PSD3: variants seen among roughly 807,000 people sequenced by gnomAD.
PSD3 encodes the protein PH and SEC7 domain-containing protein 3.
A neutral mutation model predicts 105.5 loss-of-function variants in PSD3; 49 were observed. The observed-to-expected ratio is 0.46, with a 90% CI of 0.37 to 0.59. The LOEUF (loss-of-function observed/expected upper bound fraction) is 0.59. PSD3 is among the 20% of genes least tolerant of loss of function. The pLI, the probability that PSD3 is intolerant of heterozygous loss-of-function variation, is 0.00. For synonymous variants in PSD3, 557 were observed against 457.8 expected, an observed-to-expected ratio of 1.22 and a Z score of -2.77; for missense variants, 1,561 against 1,263.8, an observed-to-expected ratio of 1.24 and a Z score of -3.57.
intron 14 of PSD3, among the ~76,000 whole-genome samples, chr8:18,567,224 A>G (rs756590570): frequency 6.6e-6 from 1 of 151,772 alleles, no homozygotes; most frequent in Non-Finnish European, 1.5e-5. Context: ...GAACAATGGG[A>G]AAGTCCACCG....
At chr8:18,560,567 T>C (rs777867947) in intron 14 of PSD3, among the ~76,000 whole-genome samples, 1 of 151,976 alleles carries the variant, frequency 6.6e-6, no homozygotes, top group African/African-American at 2.4e-5. Context: ...AAAATGAAAT[T>C]GAAAATACTA....
intron 4 of PSD3, among the ~76,000 whole-genome samples, chr8:18,820,354 T>G (rs1354935987): frequency 6.6e-6 from 1 of 152,110 alleles, no homozygotes; most frequent in African/African-American, 2.4e-5. Context: ...TTCAAAAAAT[T>G]TGATGTTGTT....
At position 18,581,174 on chromosome 8, in the gene PSD3, T is replaced by A. The variant is rs1331921614; in HGVS notation, c.2482-5889A>T. On this transcript the variant is annotated intron_variant, in intron 12 of 15. Coordinates refer to ENST00000327040, the MANE Select transcript of PSD3 (RefSeq NM_015310.4). ...CTACCCAAATGTCAACCATGATGGA[T>A]CATCAGAACCAACAGGAATGGAATC... is the stretch of plus-strand genomic sequence containing the variant. Among the ~76,000 whole-genome samples, 3 of 152,120 alleles carry A rather than the reference T, an allele frequency of 2.0e-5. No individual in the cohort carries two copies. The East Asian group carries it at 5.8e-4, about 29-fold the overall frequency.
chr8:19,065,910 G>T (rs138570708), intron 1 of PSD3, among the ~76,000 whole-genome samples: 3 of 152,170 alleles, frequency 2.0e-5, no homozygotes, highest in African/African-American at 7.2e-5. Flanking sequence ...TCTGGTGACC[G>T]CCTCCAATCT....
rs370620489 is a variant in PSD3, at chr8:18,536,995, C to T, written c.2929-1037G>A. The stretch of plus-strand genomic sequence containing the variant: ...GCAAATTCTGTTTTGACTATACATC[C>T]GTCTTAGGGATTTTTCTAGTCAGAT... On this transcript the variant is annotated intron_variant, in intron 15 of 15. Coordinates refer to ENST00000327040, the MANE Select transcript of PSD3 (RefSeq NM_015310.4). Among the ~76,000 whole-genome samples the T allele has an allele frequency of 1.3e-4, 20 of 152,316 alleles. No homozygotes were observed. The East Asian group carries it at 3.1e-3, about 23-fold the overall frequency.
chr8:18,633,549 T>C (rs1441352862), intron 10 of PSD3, among the ~76,000 whole-genome samples: 2 of 152,184 alleles, frequency 1.3e-5, no homozygotes, highest in African/African-American at 4.8e-5. Context: ...CTTAGAATAA[T>C]GGCCTTCAGC....
chr8:19,041,709 C>T (rs1244216219), intron 1 of PSD3, among the ~76,000 whole-genome samples: 2 of 152,204 alleles, frequency 1.3e-5, no homozygotes, highest in African/African-American at 2.4e-5. Context: ...AAATAGATGA[C>T]ACAAGACTAG....
chr8:18,970,829 C>A (rs1289443296), intron 1 of PSD3, among the ~76,000 whole-genome samples: 1 of 151,722 alleles, frequency 6.6e-6, no homozygotes, highest in Non-Finnish European at 1.5e-5. Flanking sequence ...GCGGTGTGCA[C>A]CTGTAGTACC....
At chr8:18,569,199 T>C (rs1282886879) in intron 14 of PSD3, among the ~76,000 whole-genome samples, 50 of 134,158 alleles carry the variant, frequency 3.7e-4, no homozygotes, top group Non-Finnish European at 7.2e-4. Flanking sequence ...CAGCATGATT[T>C]ATAGTCCTTT....
At chr8:18,758,045 T>C (rs1563231189) in intron 9 of PSD3, among the ~76,000 whole-genome samples, 1 of 152,148 alleles carries the variant, frequency 6.6e-6, no homozygotes, top group East Asian at 1.9e-4. Flanking sequence ...GAATTACAAA[T>C]TCACAGGCAG....
intron 6 of PSD3, among the ~76,000 whole-genome samples, chr8:18,801,763 G>A (rs1406673188): frequency 1.3e-5 from 2 of 152,090 alleles, no homozygotes; most frequent in African/African-American, 4.8e-5. Context: ...AGGAGGCGGA[G>A]GTTGCAGTAA....
At chr8:18,611,886 A>G (rs1487760) in intron 11 of PSD3, among the ~76,000 whole-genome samples, 1 of 151,964 alleles carries the variant, frequency 6.6e-6, no homozygotes, top group Non-Finnish European at 1.5e-5. Context: ...AAAATGTTGC[A>G]AATGACTAAA....
chr8:18,986,420 T>C (rs1825497938), intron 1 of PSD3, among the ~76,000 whole-genome samples: 1 of 152,146 alleles, frequency 6.6e-6, no homozygotes, highest in African/African-American at 2.4e-5. Context: ...GCTTGCAAGG[T>C]TGGTATTATT....
intron 9 of PSD3, among the ~76,000 whole-genome samples, chr8:18,751,081 C>A (rs1251611273): frequency 6.6e-6 from 1 of 152,076 alleles, no homozygotes; most frequent in African/African-American, 2.4e-5. Flanking sequence ...ACCTGGGCGC[C>A]GTGCAGCAGG....
intron 8 of PSD3, among the ~76,000 whole-genome samples, chr8:18,778,888 G>A (rs1441427462): frequency 6.6e-6 from 1 of 152,026 alleles, no homozygotes; most frequent in Admixed American, 6.5e-5. Context: ...TTGCATCTAA[G>A]TTCGTCAGGA....
intron 9 of PSD3, among the ~76,000 whole-genome samples, chr8:18,670,875 G>A (rs1799748189): frequency 6.6e-6 from 1 of 152,076 alleles, no homozygotes; most frequent in African/African-American, 2.4e-5. Context: ...GGAGCAGGGT[G>A]GGGGGATTTT....
intron 1 of PSD3, among the ~76,000 whole-genome samples, chr8:18,953,067 GA>G (rs1823345772): frequency 6.6e-6 from 1 of 152,116 alleles, no homozygotes; most frequent in Non-Finnish European, 1.5e-5. Flanking sequence ...GATAAAAACA[GA>G]CCATTTAAGA....
chr8:18,620,658 C>A (rs1022391985), intron 11 of PSD3, among the ~76,000 whole-genome samples: 1 of 151,930 alleles, frequency 6.6e-6, no homozygotes, highest in African/African-American at 2.4e-5. Flanking sequence ...TGCAGTGAGC[C>A]CAGATCACAC....
At chr8:18,802,443 A>G (rs1810784727) in intron 6 of PSD3, 3 of 278,492 alleles carry the variant, frequency 1.1e-5, no homozygotes, top group African/African-American at 6.5e-5. Flanking sequence ...CCTCATTTCT[A>G]TGAAAATTTT....
Sources: allele counts gnomAD v4.1 joint callset (sites outside exome capture counted in the v4.1 genomes callset), GRCh38; gene constraint gnomAD v4.1.1; transcripts MANE v1.5; gene names NCBI Gene and HGNC (gene_info 2026-07-23, HGNC 2026-07-21).